The following ICE2 variants were observed in gnomAD, a reference collection of about 807,000 sequenced individuals.
ICE2 encodes little elongation complex subunit 2.
In ICE2, 87 loss-of-function variants were observed where a neutral mutation model predicts 105.4. That is an observed-to-expected ratio of 0.83 (90% CI 0.69 to 0.99). The LOEUF (loss-of-function observed/expected upper bound fraction) is 0.99. Among genes scored for constraint, ICE2 ranks in the 50% least tolerant of loss-of-function variants. The pLI is 0.00. For missense variants in ICE2, 1,323 were observed against 1,146.7 expected, an observed-to-expected ratio of 1.15 and a Z score of -2.22; for synonymous variants, 399 against 392.0, an observed-to-expected ratio of 1.02 and a Z score of -0.21.
At chr15:60,466,492 C>G (rs1313287185) in intron 5 of ICE2, 102 bp downstream of exon 5, 2 of 1,353,170 alleles carry the variant, frequency 1.5e-6, no homozygotes, top group East Asian at 4.7e-5. Flanking sequence ...AAATTGGTAA[C>G]ACTGACAGTT....
intron 3 of ICE2, among the ~76,000 whole-genome samples, chr15:60,468,547 T>G (rs921140161): frequency 5.3e-5 from 8 of 152,236 alleles, no homozygotes; most frequent in African/African-American, 1.9e-4. Flanking sequence ...AATTACCTGA[T>G]GGAGAGGAAG....
intron 13 of ICE2, among the ~76,000 whole-genome samples, chr15:60,434,391 G>T (rs573993781): frequency 7.9e-5 from 12 of 152,032 alleles, no homozygotes; most frequent in African/African-American, 2.9e-4. Context: ...CGGCTACTTT[G>T]GCTCTAGCCT....
intron 13 of ICE2, among the ~76,000 whole-genome samples, chr15:60,432,499 C>T (rs2063484610): frequency 6.6e-6 from 1 of 151,598 alleles, no homozygotes; most frequent in Admixed American, 6.6e-5. Flanking sequence ...CAATTTTTGC[C>T]ATTTCATGAT....
intron 4 of ICE2, 134 bp downstream of exon 4, chr15:60,467,927 T>C (rs1308948962): frequency 1.7e-5 from 13 of 760,806 alleles, no homozygotes; most frequent in South Asian, 5.3e-5. Flanking sequence ...TAAAGCACCA[T>C]TGCTCTCTCA....
At chr15:60,461,876 A>G (rs2064287618) in intron 5 of ICE2, among the ~76,000 whole-genome samples, 1 of 152,220 alleles carries the variant, frequency 6.6e-6, no homozygotes, top group Non-Finnish European at 1.5e-5. Flanking sequence ...GAAGTGTACA[A>G]AATGAGCCTC....
intron 2 of ICE2, among the ~76,000 whole-genome samples, chr15:60,477,503 A>G (rs2064797159): frequency 6.6e-6 from 1 of 152,234 alleles, no homozygotes; most frequent in East Asian, 1.9e-4. Flanking sequence ...CTCTATTTGC[A>G]AAGTTCTCAT....
At chr15:60,476,818 G>A (rs189562491) in intron 2 of ICE2, among the ~76,000 whole-genome samples, 87 of 152,314 alleles carry the variant, frequency 5.7e-4, no homozygotes, top group African/African-American at 2.0e-3. Flanking sequence ...ATCCATTAAC[G>A]TTACTAGGGA....
At chr15:60,452,062 T>C in intron 9 of ICE2, 1 of 984,342 alleles carries the variant, frequency 1.0e-6, no homozygotes, top group South Asian at 4.7e-5. Flanking sequence ...GAAGCCACTG[T>C]CAATTTTCAT....
rs763050034 is a variant in ICE2 at position 60,476,069 on chromosome 15, G to A, written c.140C>T (p.Ser47Phe). The A allele has an allele frequency of 3.8e-6, 6 of 1,578,658 alleles. No individual in the cohort carries two copies. In the African/African-American group the frequency reaches 5.5e-5, roughly 14 times the overall value. ...APSLKELRVL[S>F]NRRIGENLNA... is the part of the protein sequence containing the mutation. The stretch of plus-strand genomic sequence containing the variant: ...AACCAAATAAACATATTACCTGTTG[G>A]ATAAAACACGTAGTTCTTTTAAACT... Residue 47 changes from serine to phenylalanine, a missense_variant, in exon 3 of 16, where the codon TCC becomes TTC. Physicochemically the swap from Ser to Phe is radical, Grantham distance 155. Coordinates refer to ENST00000261520, the MANE Select transcript of ICE2 (RefSeq NM_024611.6).
rs906865014 is a variant in ICE2 at position 60,419,950 on chromosome 15, G to A, written c.*3684C>T. On this transcript the variant is annotated 3_prime_UTR_variant, in exon 16 of 16. Transcript: ENST00000261520. The stretch of plus-strand genomic sequence containing the variant: ...GGTGGAGCTTAAGTGTGGGCTTAGC[G>A]ACTTACTAATCCTTCAGATGACTGC... 2 of 152,136 alleles carry A rather than the reference G, an allele frequency of 1.3e-5. No homozygotes were observed. Among genetic ancestry groups the A allele is most frequent in the African/African-American group, 2.4e-5 (1 of 41,436 alleles). 9.4% of individuals were successfully genotyped at this position (152,136 alleles called of 1,614,324 possible). A position where few individuals can be genotyped will look rare whatever the true frequency, so the allele number is the denominator to read the frequency against.
At chr15:60,457,656 CTA>C (rs941405948) in intron 5 of ICE2, among the ~76,000 whole-genome samples, 1 of 152,136 alleles carries the variant, frequency 6.6e-6, no homozygotes, top group Non-Finnish European at 1.5e-5. Context: ...ATCTTTTCAT[CTA>C]TAGTTTCAGA....
rs766332053 is a variant in ICE2, at chr15:60,456,670, GT to G, written c.652del (p.Thr218LeufsTer8). On this transcript the variant is annotated frameshift_variant, in exon 6 of 16. Transcript: ENST00000261520. LOFTEE classifies it high-confidence loss of function. ...AATAAACCTTACCAATGCGAGAAGAGTTTTTTCTAACTTTAATCCCATCTCT... is the reference window on the plus strand; with the variant it reads ...AATAAACCTTACCAATGCGAGAAGAGTTTTTCTAACTTTAATCCCATCTCT... ...RVEMGLKLEKTLLALGSVKYV... is the reference protein window; with the variant it reads ...RVEMGLKLEKXLLALGSVKYV... The G allele has an allele frequency of 3.8e-6, 6 of 1,584,610 alleles. No homozygotes were observed. Among genetic ancestry groups the G allele is most frequent in the Non-Finnish European group, 5.1e-6 (6 of 1,168,264 alleles).
intron 4 of ICE2, among the ~76,000 whole-genome samples, chr15:60,467,156 T>C (rs1356582578): frequency 6.6e-6 from 1 of 152,004 alleles, no homozygotes; most frequent in East Asian, 1.9e-4. Context: ...AGAGATGGGG[T>C]TTCGCCATGT....
At chr15:60,438,746 A>G (rs2063652199) in intron 12 of ICE2, 1 of 152,226 alleles carries the variant, frequency 6.6e-6, no homozygotes, top group African/African-American at 2.4e-5. Flanking sequence ...AACTCTCTCA[A>G]CATTGGAGCT....
At position 60,448,046 on chromosome 15, in the gene ICE2, A is replaced by C. The variant is rs1385650670; in HGVS notation, c.2219T>G (p.Leu740Arg). The C allele has an allele frequency of 6.2e-7, 1 of 1,613,822 alleles. No individual in the cohort carries two copies. Among genetic ancestry groups the C allele is most frequent in the South Asian group, 1.1e-5 (1 of 91,082 alleles). ...GACACTGCAGCGTACGAGTAACAAC[A>C]GGTCTTGCAGGCTAAATAACTTATA... The part of the protein sequence containing the change: ...FVYKLFSLQD[L>R]LLLVRCSVQR... Residue 740 changes from leucine (L) to arginine (R), a missense_variant, in exon 11 of 16, where the codon CTG (leucine) becomes CGG (arginine). Transcript: ENST00000261520.
intron 5 of ICE2, among the ~76,000 whole-genome samples, chr15:60,465,852 A>T (rs1482846976): frequency 6.6e-6 from 1 of 151,328 alleles, no homozygotes; most frequent in African/African-American, 2.4e-5. Context: ...CCCGGGTTCA[A>T]GCGATTCTCC....
intron 5 of ICE2, among the ~76,000 whole-genome samples, chr15:60,460,957 T>C (rs1225453323): frequency 3.9e-5 from 6 of 152,166 alleles, no homozygotes; most frequent in Non-Finnish European, 5.9e-5. Flanking sequence ...ACACTTCCAG[T>C]TGGATAACTC....
At chr15:60,477,473 C>T (rs986362516) in intron 2 of ICE2, among the ~76,000 whole-genome samples, 1 of 152,164 alleles carries the variant, frequency 6.6e-6, no homozygotes, top group Non-Finnish European at 1.5e-5. Context: ...TACAAAACCA[C>T]TATATTATTT....
chr15:60,460,618 A>C (rs965908015), intron 5 of ICE2, among the ~76,000 whole-genome samples: 2 of 152,202 alleles, frequency 1.3e-5, no homozygotes, highest in African/African-American at 4.8e-5. Context: ...GACGTTTTGG[A>C]CCACATAATT....
Sources: gnomAD v4.1 joint callset for allele counts (sites outside exome capture counted in the v4.1 genomes callset) on GRCh38, gnomAD v4.1.1 for gene constraint, MANE v1.5 for transcripts, NCBI Gene and HGNC (gene_info 2026-07-23, HGNC 2026-07-21) for gene names.